LIMS1: variants seen among roughly 807,000 people sequenced by gnomAD.
LIMS1 encodes the protein LIM zinc finger domain containing 1, also known as LIM and senescent cell antigen-like-containing domain protein 1.
Under a neutral mutation model 44.1 loss-of-function variants are expected in LIMS1, and 18 were observed. The ratio of observed to expected loss-of-function variants is 0.41; its 90% CI spans 0.28 to 0.61. LIMS1 has a LOEUF of 0.61. Among genes scored for constraint, LIMS1 ranks in the 20% least tolerant of loss-of-function variants. The probability of loss-of-function intolerance (pLI) is 0.32; values close to 1 mark genes in which losing one functional copy is unlikely to be tolerated. For synonymous variants in LIMS1, 93 were observed against 149.1 expected (o/e 0.62, Z 2.74); for missense variants, 201 against 422.0 (o/e 0.48, Z 4.59).
At chr2:108,613,820 T>A (rs1687787540) in intron 1 of LIMS1, among the ~76,000 whole-genome samples, 1 of 152,116 alleles carries the variant, frequency 6.6e-6, no homozygotes, top group Non-Finnish European at 1.5e-5. Flanking sequence ...GCCCTCTTGC[T>A]TTTGAGCCTG....
intron 5 of LIMS1, among the ~76,000 whole-genome samples, chr2:108,674,256 G>A (rs1692356242): frequency 6.6e-6 from 1 of 152,060 alleles, no homozygotes; most frequent in African/African-American, 2.4e-5. Context: ...CAGGAACCCG[G>A]AAGGCGGAGG....
At position 108,598,058 on chromosome 2, in the gene LIMS1, A is replaced by G. The variant is rs375080709; in HGVS notation, c.33-61547A>G. ...AGATGAATTCTGAATGTTTTCTAAT[A>G]TATCCTTGTTTCTCATCATCCTAGG... On this transcript the variant is annotated intron_variant, in intron 1 of 9. Coordinates refer to ENST00000544547, the Ensembl canonical transcript of LIMS1. Among the ~76,000 whole-genome samples, 23 of 151,568 alleles carry G rather than the reference A, an allele frequency of 1.5e-4. No individual in the cohort carries two copies. The East Asian group carries it at 2.5e-3, about 17-fold the overall frequency.
intron 1 of LIMS1, among the ~76,000 whole-genome samples, chr2:108,627,400 GTTTT>G (rs58261864): frequency 1.2e-4 from 13 of 106,990 alleles, no homozygotes; most frequent in Non-Finnish European, 1.3e-4. Flanking sequence ...TCCCTTTCTG[GTTTT>G]TTTTTTTTTT....
chr2:108,585,506 T>C (rs1010763293), intron 1 of LIMS1, among the ~76,000 whole-genome samples: 1 of 152,014 alleles, frequency 6.6e-6, no homozygotes, highest in African/African-American at 2.4e-5. Context: ...AGCAGACAAT[T>C]TGATGTATGA....
intron 1 of LIMS1, among the ~76,000 whole-genome samples, chr2:108,541,014 T>A (rs962393733): frequency 1.3e-5 from 2 of 152,248 alleles, no homozygotes; most frequent in Non-Finnish European, 2.9e-5. Context: ...GAATGAATTA[T>A]GGATATTGGC....
chr2:108,675,760 G>T, intron 5 of LIMS1, 118 bp from the exon 6 acceptor site: 1 of 1,326,050 alleles, frequency 7.5e-7, no homozygotes, highest in Non-Finnish European at 1.1e-6. Context: ...GGGGAAAAAA[G>T]AAATTTGCAG....
At chr2:108,648,774 A>C (rs1690252939) in intron 1 of LIMS1, among the ~76,000 whole-genome samples, 1 of 152,250 alleles carries the variant, frequency 6.6e-6, no homozygotes, top group South Asian at 2.1e-4. Flanking sequence ...AAAACTGGCT[A>C]GCCATATGCA....
At chr2:108,573,306 CT>C (rs1313789655) in intron 1 of LIMS1, among the ~76,000 whole-genome samples, 188 of 140,928 alleles carry the variant, frequency 1.3e-3, no homozygotes, top group African/African-American at 2.3e-3. Flanking sequence ...CTTTTCTTTT[CT>C]TTTTTTTTTT....
intron 1 of LIMS1, among the ~76,000 whole-genome samples, chr2:108,643,048 C>T (rs1178500563): frequency 1.3e-5 from 2 of 152,174 alleles, no homozygotes; most frequent in African/African-American, 4.8e-5. Context: ...ATGACAAATT[C>T]ATCAACTGTT....
intron 9 of LIMS1, chr2:108,681,109 G>A (rs1403679139): frequency 2.4e-6 from 3 of 1,275,708 alleles, no homozygotes; most frequent in Non-Finnish European, 9.9e-7. Context: ...AAGCCAGTCT[G>A]TTTGTAAACT....
chr2:108,671,073 A>T lies in LIMS1; in HGVS notation c.259+226A>T. The T allele has an allele frequency of 7.6e-6, 4 of 528,120 alleles. No homozygotes were observed. The South Asian group carries it at 8.0e-5, about 11-fold the overall frequency. 32.7% of individuals were successfully genotyped at this position (528,120 alleles called of 1,614,324 possible). On this transcript the variant is annotated intron_variant, in intron 3 of 9. Transcript: ENST00000544547. ...GTAATCCCAGTTATTCAAGAGGCTG[A>T]GGCAGGAGAATCGCTCGAACCCAGG... is the stretch of plus-strand genomic sequence containing the variant.
At chr2:108,649,395 A>T (rs1481841034) in intron 1 of LIMS1, among the ~76,000 whole-genome samples, 3 of 152,372 alleles carry the variant, frequency 2.0e-5, no homozygotes, top group Non-Finnish European at 2.9e-5. Context: ...TATTAGTTCA[A>T]CCATTGTGGA....
At chr2:108,678,146 C>G in intron 8 of LIMS1, 119 bp downstream of exon 8, 1 of 1,432,606 alleles carries the variant, frequency 7.0e-7, no homozygotes, top group Non-Finnish European at 9.5e-7. Flanking sequence ...GTTACTTTTT[C>G]TCTATCTTTG....
At chr2:108,572,487 AT>A (rs1033674178) in intron 1 of LIMS1, among the ~76,000 whole-genome samples, 4 of 147,032 alleles carry the variant, frequency 2.7e-5, no homozygotes, top group African/African-American at 1.0e-4. Flanking sequence ...GATTCATGTG[AT>A]TCTCCTGCCT....
chr2:108,682,360 C>T (rs564923210), intron 9 of LIMS1, among the ~76,000 whole-genome samples: 114 of 152,192 alleles, frequency 7.5e-4, no homozygotes, highest in African/African-American at 2.6e-3. Context: ...ATTAGCCAGG[C>T]ATGGTGGCGG....
exon 5 of LIMS1, chr2:108,672,951 A>G (rs1009952211): frequency 7.4e-6 from 8 of 1,075,522 alleles, no homozygotes; most frequent in African/African-American, 1.8e-5. Context: ...CAGAAATGCC[A>G]TGCTATCATC....
intron 1 of LIMS1, among the ~76,000 whole-genome samples, chr2:108,597,498 T>C (rs1686769611): frequency 2.0e-5 from 3 of 152,166 alleles, no homozygotes; most frequent in Admixed American, 2.0e-4. Context: ...GGTGATGTTT[T>C]CTAGCATACA....
chr2:108,576,377 A>G (rs887991385), intron 1 of LIMS1, among the ~76,000 whole-genome samples: 11 of 152,102 alleles, frequency 7.2e-5, no homozygotes, highest in Non-Finnish European at 1.6e-4. Context: ...AGCTGGAATT[A>G]CAGGCATGCA....
chr2:108,543,722 CACACTT>C (rs1684390493), intron 1 of LIMS1, among the ~76,000 whole-genome samples: 1 of 152,180 alleles, frequency 6.6e-6, no homozygotes, highest in Non-Finnish European at 1.5e-5. Flanking sequence ...CAGGTGAATG[CACACTT>C]ACCTGTAGAC....
Sources: allele counts gnomAD v4.1 joint callset (sites outside exome capture counted in the v4.1 genomes callset), GRCh38; gene constraint gnomAD v4.1.1; transcripts MANE v1.5; gene names NCBI Gene and HGNC (gene_info 2026-07-23, HGNC 2026-07-21).